Variants in SH3RF3 observed in about 807,000 individuals in gnomAD.
SH3RF3 encodes E3 ubiquitin-protein ligase SH3RF3.
SH3RF3 carries 29 observed loss-of-function variants against 66.3 expected under a neutral mutation model. The ratio of observed to expected loss-of-function variants is 0.44; its 90% CI spans 0.33 to 0.60. SH3RF3 has a LOEUF of 0.60. Ranked by LOEUF, SH3RF3 falls within the 20% of genes least tolerant of loss-of-function variation. SH3RF3 has a pLI of 0.04. For missense variants in SH3RF3, 1,194 were observed against 1,190.9 expected (o/e 1.00, Z -0.04); for synonymous variants, 583 against 532.0 (o/e 1.10, Z -1.32).
chr2:109,197,322 C>T (rs1678530262), intron 1 of SH3RF3, among the ~76,000 whole-genome samples: 1 of 152,098 alleles, frequency 6.6e-6, no homozygotes, highest in Non-Finnish European at 1.5e-5. Context: ...TTCTGCCTGA[C>T]ACAGGAGGGG....
chr2:109,397,395 C>T (rs966934821), intron 3 of SH3RF3, among the ~76,000 whole-genome samples: 3 of 152,178 alleles, frequency 2.0e-5, no homozygotes, highest in Non-Finnish European at 4.4e-5. Flanking sequence ...TAGCAATCAT[C>T]CCATGATGAT....
chr2:109,433,873 TC>T (rs1170314004), intron 6 of SH3RF3, among the ~76,000 whole-genome samples: 1 of 152,190 alleles, frequency 6.6e-6, no homozygotes, highest in Admixed American at 6.5e-5. Context: ...CAGAGGGGCT[TC>T]AGGAAATGCA....
intron 8 of SH3RF3, among the ~76,000 whole-genome samples, chr2:109,474,836 C>T (rs535125754): frequency 1.4e-3 from 215 of 152,358 alleles, no homozygotes; most frequent in South Asian, 5.4e-3. Context: ...GCCCTGTGTG[C>T]GCCAAAGTCT....
intron 1 of SH3RF3, among the ~76,000 whole-genome samples, chr2:109,302,748 AGACAC>A (rs1681500838): frequency 7.5e-6 from 1 of 133,740 alleles, no homozygotes; most frequent in Middle Eastern, 3.4e-3. Context: ...TCCTGTTTTC[AGACAC>A]GACATTTCAC....
intron 1 of SH3RF3, among the ~76,000 whole-genome samples, chr2:109,316,188 G>A (rs1208094959): frequency 2.6e-5 from 4 of 152,204 alleles, no homozygotes; most frequent in Admixed American, 6.5e-5. Context: ...TTTGGGCCTG[G>A]GGAAGGTTCC....
intron 2 of SH3RF3, among the ~76,000 whole-genome samples, chr2:109,368,056 A>G (rs979459832): frequency 1.3e-5 from 2 of 152,258 alleles, no homozygotes; most frequent in African/African-American, 4.8e-5. Flanking sequence ...TTAGCCAGGT[A>G]TGCCATTTTA....
chr2:109,500,723 C>T (rs958689004), intron 9 of SH3RF3, among the ~76,000 whole-genome samples: 1 of 152,092 alleles, frequency 6.6e-6, no homozygotes, highest in African/African-American at 2.4e-5. Flanking sequence ...CTGAGGCCAG[C>T]GGATCACTTG....
intron 1 of SH3RF3, among the ~76,000 whole-genome samples, chr2:109,297,183 AG>A (rs542846232): frequency 1.4e-4 from 22 of 151,954 alleles, no homozygotes; most frequent in African/African-American, 5.1e-4. Flanking sequence ...GGGCCTCTGC[AG>A]GGGGGTGAGT....
At chr2:109,154,248 G>A (rs1449444547) in intron 1 of SH3RF3, among the ~76,000 whole-genome samples, 1 of 152,182 alleles carries the variant, frequency 6.6e-6, no homozygotes, top group Non-Finnish European at 1.5e-5. Context: ...GCCTCACTTG[G>A]GTGACCACAT....
At chr2:109,145,640 G>A (rs766519930) in intron 1 of SH3RF3, among the ~76,000 whole-genome samples, 2 of 152,172 alleles carry the variant, frequency 1.3e-5, no homozygotes, top group African/African-American at 2.4e-5. Flanking sequence ...CTAGACTCTC[G>A]TGGACTTCCT....
intron 1 of SH3RF3, among the ~76,000 whole-genome samples, chr2:109,164,378 C>T (rs1677566142): frequency 6.6e-6 from 1 of 152,164 alleles, no homozygotes; most frequent in South Asian, 2.1e-4. Flanking sequence ...GAGATGGGGT[C>T]TTGCTGTGTT....
At chr2:109,382,861 C>G (rs1368742523) in intron 3 of SH3RF3, among the ~76,000 whole-genome samples, 6 of 152,206 alleles carry the variant, frequency 3.9e-5, no homozygotes, top group Non-Finnish European at 8.8e-5. Context: ...GATTATGAAC[C>G]CTGCCCCAAT....
chr2:109,205,643 A>G (rs1335227923), intron 1 of SH3RF3, among the ~76,000 whole-genome samples: 1 of 152,188 alleles, frequency 6.6e-6, no homozygotes. Flanking sequence ...TGAGAATCAC[A>G]TGGCTCAGTC....
At chr2:109,300,738 C>G (rs912317481) in intron 1 of SH3RF3, among the ~76,000 whole-genome samples, 4 of 152,234 alleles carry the variant, frequency 2.6e-5, no homozygotes, top group Non-Finnish European at 4.4e-5. Context: ...CTTCAGAGCC[C>G]ACCAGCTGGA....
rs1427184441 is a variant in SH3RF3, at chr2:109,398,815, T to A, written c.1171T>A (p.Ser391Thr). The change falls in exon 4 of 10, where the codon TCC (serine) becomes ACC (threonine). Residue 391 changes from serine (S) to threonine (T), a missense_variant. Transcript: ENST00000309415. ...SFTALSVTHR[S>T]SQAASHRHSM... ...CACCGCGCTCAGTGTGACGCACAGA[T>A]CCTCCCAGGCTGCCAGCCACAGGCA... 1.2e-6 allele frequency: 2 copies of A among 1,613,752 alleles called. No homozygotes were observed. Among genetic ancestry groups the A allele is most frequent in the South Asian group, 2.2e-5 (2 of 91,024 alleles).
intron 1 of SH3RF3, among the ~76,000 whole-genome samples, chr2:109,270,912 G>T (rs1190558399): frequency 6.6e-6 from 1 of 152,242 alleles, no homozygotes; most frequent in African/African-American, 2.4e-5. Context: ...CACAGCATCA[G>T]GAGGGAGACA....
chr2:109,362,795 AATTGACCCCTTCGTCATTATGTAAT>A (rs1683075306), intron 2 of SH3RF3, among the ~76,000 whole-genome samples: 11 of 152,128 alleles, frequency 7.2e-5, no homozygotes, highest in Non-Finnish European at 1.5e-4. Context: ...CTTCTTGGGG[AATTGACCCCTTCGTCATTATGTAAT>A]GCCCCTATTT....
chr2:109,190,340 A>G (rs1345085224), intron 1 of SH3RF3, among the ~76,000 whole-genome samples: 3 of 152,170 alleles, frequency 2.0e-5, no homozygotes, highest in African/African-American at 7.2e-5. Flanking sequence ...CGCCTGGCTA[A>G]TTTTTGTACT....
At chr2:109,164,620 G>A (rs1677573287) in intron 1 of SH3RF3, among the ~76,000 whole-genome samples, 1 of 152,194 alleles carries the variant, frequency 6.6e-6, no homozygotes, top group Admixed American at 6.5e-5. Flanking sequence ...GATGGTAAAG[G>A]TGTAAAAATT....
Sources: gnomAD v4.1 joint callset for allele counts (sites outside exome capture counted in the v4.1 genomes callset) on GRCh38, gnomAD v4.1.1 for gene constraint, MANE v1.5 for transcripts, NCBI Gene and HGNC (gene_info 2026-07-23, HGNC 2026-07-21) for gene names.